Variants in HERC4 observed in about 807,000 individuals in gnomAD.
HERC4 encodes probable E3 ubiquitin-protein ligase HERC4.
A neutral mutation model predicts 124.3 loss-of-function variants in HERC4; 28 were observed. The ratio of observed to expected loss-of-function variants is 0.23; its 90% confidence interval spans 0.17 to 0.31. The LOEUF is 0.31. Among genes scored for constraint, HERC4 ranks in the 10% least tolerant of loss-of-function variants. HERC4 has a pLI of 1.00. For synonymous variants in HERC4, 407 were observed against 421.5 expected, an observed-to-expected ratio of 0.97 and a Z score of 0.42; for missense variants, 713 against 1,229.3, an observed-to-expected ratio of 0.58 and a Z score of 6.28.
intron 3 of HERC4, among the ~76,000 whole-genome samples, chr10:68,065,862 A>G (rs758530732): frequency 1.3e-5 from 2 of 152,108 alleles, no homozygotes; most frequent in Non-Finnish European, 2.9e-5. Flanking sequence ...AAAAAACAAA[A>G]CAAAACTCCA....
At chr10:68,042,904 T>G (rs945810407) in intron 4 of HERC4, among the ~76,000 whole-genome samples, 1 of 152,248 alleles carries the variant, frequency 6.6e-6, no homozygotes, top group Non-Finnish European at 1.5e-5. Flanking sequence ...CCATAAAATT[T>G]TGAAAAACTG....
intron 15 of HERC4, chr10:67,987,936 G>T (rs1366361665): frequency 6.6e-6 from 1 of 152,048 alleles, no homozygotes; most frequent in African/African-American, 2.4e-5. Flanking sequence ...GTTCATGTGG[G>T]TTTTTTAGTC....
chr10:68,002,717 G>A (rs2037303551), intron 9 of HERC4, among the ~76,000 whole-genome samples: 1 of 149,862 alleles, frequency 6.7e-6, no homozygotes, highest in Non-Finnish European at 1.5e-5. Context: ...TCCTGTCTCA[G>A]CCTCCTGAGT....
intron 3 of HERC4, among the ~76,000 whole-genome samples, chr10:68,059,573 T>TC (rs2040777593): frequency 3.8e-5 from 3 of 79,104 alleles, no homozygotes; most frequent in African/African-American, 8.1e-5. Flanking sequence ...TAATATTATA[T>TC]ATCATATTAT....
chr10:67,966,618 T>C (rs748385823), intron 16 of HERC4, 65 bp downstream of exon 16: 3 of 1,475,782 alleles, frequency 2.0e-6, no homozygotes, highest in Non-Finnish European at 2.7e-6. Context: ...AACCAAGCAA[T>C]TGTTTCTTTT....
At chr10:68,012,010 T>C (rs999684715) in intron 9 of HERC4, among the ~76,000 whole-genome samples, 1 of 152,208 alleles carries the variant, frequency 6.6e-6, no homozygotes, top group African/African-American at 2.4e-5. Context: ...TTTTACATTA[T>C]GGAGATGGCT....
At position 67,992,786 on chromosome 10, in the gene HERC4, C is replaced by G. The variant is rs946317177; in HGVS notation, c.1070-104G>C. On this transcript the variant is annotated intron_variant, in intron 9 of 24. Coordinates refer to ENST00000373700, the MANE Select transcript of HERC4 (RefSeq NM_015601.4). ...ACATAATCATCTTATTTAATAAGGC[C>G]TCCCATTCATGGACTTCATGGTATA... 3 of 637,156 alleles carry G rather than the reference C, an allele frequency of 4.7e-6. No individual in the cohort carries two copies. In the Admixed American group the frequency reaches 8.7e-5, roughly 19 times the overall value. The allele number at this position is 637,156 out of a possible 1,614,324, so 39.5% of individuals were successfully genotyped here.
Position 67,988,770 on chromosome 10 carries a change from C to A in HERC4, c.1699G>T (p.Val567Leu). ...LKIVELFKEV[V>L]VHLLKLYKIG... ...TTGTAGAGTTTCAAAAGATGTACCA[C>A]AACTTCCTTAAAAAGTTCTACTATC... The change falls in exon 15 of 25, where the codon GTG becomes TTG. Residue 567 changes from valine to leucine, a missense_variant. Val to Leu is a conservative substitution (Grantham distance 32). Transcript: ENST00000373700. 6.2e-7 allele frequency: 1 copy of A among 1,607,546 alleles called. No individual in the cohort carries two copies. Among genetic ancestry groups the A allele is most frequent in the Non-Finnish European group, 8.5e-7 (1 of 1,176,440 alleles).
At chr10:67,956,602 C>T (rs563612130) in intron 17 of HERC4, 61 of 213,542 alleles carry the variant, frequency 2.9e-4, no homozygotes, top group Non-Finnish European at 4.9e-4. Flanking sequence ...ACTAGTAAAA[C>T]GGTTTATAAA....
chr10:68,058,215 A>T (rs1396143469), intron 3 of HERC4, among the ~76,000 whole-genome samples: 2 of 152,154 alleles, frequency 1.3e-5, no homozygotes, highest in Non-Finnish European at 2.9e-5. Flanking sequence ...TAAACAAATA[A>T]TTTTTTAAAA....
intron 23 of HERC4, among the ~76,000 whole-genome samples, chr10:67,927,746 T>C (rs2031298734): frequency 6.6e-6 from 1 of 152,008 alleles, no homozygotes; most frequent in Non-Finnish European, 1.5e-5. Flanking sequence ...CTTTTTAAGA[T>C]GTCCTGTCTT....
chr10:68,069,761 A>C, intron 3 of HERC4: 1 of 985,484 alleles, frequency 1.0e-6, no homozygotes, highest in Non-Finnish European at 1.2e-6. Flanking sequence ...TTGTGAAGTC[A>C]GCTGGGCACG....
At chr10:68,038,834 C>G (rs2133425887) in intron 4 of HERC4, among the ~76,000 whole-genome samples, 1 of 152,028 alleles carries the variant, frequency 6.6e-6, no homozygotes, top group Non-Finnish European at 1.5e-5. Context: ...AATTTCCTTC[C>G]CCCCTTTCCT....
At chr10:67,938,155 A>C (rs2132101354) in intron 21 of HERC4, among the ~76,000 whole-genome samples, 1 of 152,086 alleles carries the variant, frequency 6.6e-6, no homozygotes, top group African/African-American at 2.4e-5. Context: ...TAAAAAATAA[A>C]AAAGAGGCCA....
chr10:67,998,297 C>T (rs973472431), intron 9 of HERC4, among the ~76,000 whole-genome samples: 4 of 151,428 alleles, frequency 2.6e-5, no homozygotes, highest in African/African-American at 9.7e-5. Flanking sequence ...CCTGTAATCC[C>T]AGCATTTTGG....
chr10:67,976,933 A>G (rs984095048), intron 15 of HERC4, among the ~76,000 whole-genome samples: 24 of 152,320 alleles, frequency 1.6e-4, no homozygotes, highest in African/African-American at 5.8e-4. Context: ...ATGGTGGGCT[A>G]AAGTGCTCTG....
intron 3 of HERC4, among the ~76,000 whole-genome samples, chr10:68,061,879 T>TAAAAAAAA (rs71470503): frequency 9.1e-5 from 5 of 54,880 alleles, no homozygotes; most frequent in African/African-American, 2.5e-4. Flanking sequence ...AGACTCCATT[T>TAAAAAAAA]AAAAAAAAAA....
intron 7 of HERC4, among the ~76,000 whole-genome samples, chr10:68,032,332 T>C (rs1016679105): frequency 1.3e-5 from 2 of 152,200 alleles, no homozygotes; most frequent in African/African-American, 2.4e-5. Flanking sequence ...GCACAATACT[T>C]GGCCTATGAA....
At chr10:68,022,540 T>C (rs1246599634) in intron 8 of HERC4, among the ~76,000 whole-genome samples, 1 of 148,374 alleles carries the variant, frequency 6.7e-6, no homozygotes, top group Admixed American at 6.7e-5. Flanking sequence ...AATAAATAAA[T>C]AAAATTCAAA....
Sources: gnomAD v4.1 joint callset for allele counts (sites outside exome capture counted in the v4.1 genomes callset) on GRCh38, gnomAD v4.1.1 for gene constraint, MANE v1.5 for transcripts, NCBI Gene and HGNC (gene_info 2026-07-23, HGNC 2026-07-21) for gene names.